The following BCL2 variants were observed in gnomAD, a reference collection of about 807,000 sequenced individuals.
The protein encoded by BCL2 is BCL2 apoptosis regulator.
BCL2 carries 1 observed loss-of-function variant against 14.2 expected under a neutral mutation model. The observed-to-expected ratio is 0.07, with a 90% confidence interval of 0.02 to 0.33. The LOEUF is 0.33. Among genes scored for constraint, BCL2 ranks in the 10% least tolerant of loss-of-function variants. The pLI, the probability that BCL2 is intolerant of heterozygous loss-of-function variation, is 0.99. For missense variants in BCL2, 247 were observed against 305.9 expected (o/e 0.81, Z 1.44); for synonymous variants, 151 against 137.2 (o/e 1.10, Z -0.70).
intron 2 of BCL2, among the ~76,000 whole-genome samples, chr18:63,205,022 T>G (rs1293877253): frequency 6.6e-6 from 1 of 152,082 alleles, no homozygotes. Flanking sequence ...GGGACGGAGG[T>G]GCTAGCGAGA....
rs1913571094 is a variant in BCL2 at position 63,318,397 on chromosome 18, T to C, written c.270A>G (p.Pro90=). 2 of 1,575,112 alleles carry C rather than the reference T, an allele frequency of 1.3e-6. No homozygotes were observed. The highest frequency in any genetic ancestry group is 1.7e-6 in the Non-Finnish European group (2 of 1,161,708). Residue 90 remains proline (P), a synonymous_variant, in exon 2 of 3, where the codon CCA becomes CCG. Transcript: ENST00000333681. This position sits in a 1 kb window ranked among gnomAD's most constrained non-coding sequence, Gnocchi z 7.4. The stretch of plus-strand genomic sequence containing the variant: ...GGCGGAGGGTCAGGTGGACCACAGG[T>C]GGCACCGGGCTGAGCGCAGGCCCCG... The part of the protein sequence containing the change: ...AAAGPALSPV[P]PVVHLTLRQA...
intron 2 of BCL2, among the ~76,000 whole-genome samples, chr18:63,251,103 T>C (rs907711990): frequency 3.4e-5 from 5 of 145,688 alleles, no homozygotes; most frequent in Non-Finnish European, 7.4e-5. Flanking sequence ...CCACAAAATA[T>C]GAGACTTGAA....
intron 2 of BCL2, among the ~76,000 whole-genome samples, chr18:63,308,838 C>A (rs1402850284): frequency 7.2e-5 from 11 of 151,976 alleles, no homozygotes; most frequent in Non-Finnish European, 4.4e-5. Context: ...GCTCAGAATG[C>A]CCTAACATAA....
chr18:63,190,471 G>A (rs1007659253), intron 2 of BCL2, among the ~76,000 whole-genome samples: 1 of 152,240 alleles, frequency 6.6e-6, no homozygotes, highest in Non-Finnish European at 1.5e-5. Flanking sequence ...AATGTCCCAT[G>A]AAGTATCAGA....
chr18:63,212,349 C>CA (rs1012805394), intron 2 of BCL2, among the ~76,000 whole-genome samples: 17 of 149,520 alleles, frequency 1.1e-4, no homozygotes, highest in South Asian at 2.1e-4. Context: ...CAAACAACAA[C>CA]AACAAAAAAA....
rs1275869818 is a variant in BCL2 at position 63,124,352 on chromosome 18, T to C, written c.*4273A>G. 3 of 230,802 alleles carry C rather than the reference T, an allele frequency of 1.3e-5. No individual in the cohort carries two copies. Among genetic ancestry groups the C allele is most frequent in the Non-Finnish European group, 2.6e-5 (3 of 116,550 alleles). The allele number at this position is 230,802 out of a possible 1,614,324, so 14.3% of individuals were successfully genotyped here. A position where few individuals can be genotyped will look rare whatever the true frequency, so the allele number is the denominator to read the frequency against. On this transcript the variant is annotated 3_prime_UTR_variant, in exon 3 of 3. Transcript: ENST00000333681. ...TTATTGTTTAAATACCCATTAGACA[T>C]ATCCAGCTTGAAATTTATACCATTG...
chr18:63,306,447 T>C (rs1913137935), intron 2 of BCL2, among the ~76,000 whole-genome samples: 1 of 152,182 alleles, frequency 6.6e-6, no homozygotes, highest in Non-Finnish European at 1.5e-5. Flanking sequence ...GTGGGCCACC[T>C]CTAGCATCAT....
Position 63,128,530 on chromosome 18 carries a change from G to T in BCL2, c.*95C>A, listed in dbSNP as rs1191698677. ...TGTGTTATTTTTTCTTAAACAGCCT[G>T]CAGCTTTGTTTCATGGTACATCACT... On this transcript the variant is annotated 3_prime_UTR_variant, in exon 3 of 3. Coordinates refer to ENST00000333681, the MANE Select transcript of BCL2 (RefSeq NM_000633.3). The T allele has an allele frequency of 1.4e-6, 1 of 703,142 alleles. No homozygotes were observed. Among genetic ancestry groups the T allele is most frequent in the African/African-American group, 1.8e-5 (1 of 57,016 alleles). 43.6% of individuals were successfully genotyped at this position (703,142 alleles called of 1,614,324 possible). A position where few individuals can be genotyped will look rare whatever the true frequency, so the allele number is the denominator to read the frequency against.
intron 2 of BCL2, among the ~76,000 whole-genome samples, chr18:63,161,580 TCA>T (rs1428789514): frequency 1.3e-5 from 2 of 152,226 alleles, no homozygotes; most frequent in Non-Finnish European, 2.9e-5. Context: ...GGCTTGGTGT[TCA>T]CCACTAGACT....
At chr18:63,298,234 C>T (rs150407014) in intron 2 of BCL2, among the ~76,000 whole-genome samples, 155 of 152,334 alleles carry the variant, frequency 1.0e-3, no homozygotes, top group Non-Finnish European at 2.0e-3. Context: ...TTATTTTACA[C>T]GACTCTGACC....
At chr18:63,211,820 C>A (rs372046954) in intron 2 of BCL2, among the ~76,000 whole-genome samples, 3 of 152,184 alleles carry the variant, frequency 2.0e-5, no homozygotes, top group Non-Finnish European at 2.9e-5. Flanking sequence ...AGGTCCCCTG[C>A]GGCAGCACCA....
chr18:63,179,560 T>C (rs1037064999), intron 2 of BCL2, among the ~76,000 whole-genome samples: 3 of 152,210 alleles, frequency 2.0e-5, no homozygotes, highest in Admixed American at 6.5e-5. Flanking sequence ...TCTAATCCTA[T>C]GGGCTTGGTT....
At chr18:63,289,818 TGGGAGGC>T (rs1228792457) in intron 2 of BCL2, among the ~76,000 whole-genome samples, 1 of 152,096 alleles carries the variant, frequency 6.6e-6, no homozygotes, top group African/African-American at 2.4e-5. Flanking sequence ...CACTTGAGCC[TGGGAGGC>T]GGAGGTTGCA....
intron 2 of BCL2, chr18:63,316,552 C>T (rs548989088): frequency 1.4e-4 from 22 of 152,032 alleles, no homozygotes; most frequent in Non-Finnish European, 2.9e-4. Flanking sequence ...GAGATCTCAA[C>T]AAACAAACAA....
intron 2 of BCL2, among the ~76,000 whole-genome samples, chr18:63,293,286 T>C (rs1912706530): frequency 6.6e-6 from 1 of 152,220 alleles, no homozygotes; most frequent in South Asian, 2.1e-4. Flanking sequence ...AACCAAAACA[T>C]ATTCAAACCC....
intron 2 of BCL2, among the ~76,000 whole-genome samples, chr18:63,274,344 G>T (rs190149571): frequency 3.8e-4 from 52 of 137,012 alleles, no homozygotes; most frequent in Admixed American, 2.9e-3. Flanking sequence ...ATGTAGTGGT[G>T]CAATCTTGGC....
intron 2 of BCL2, among the ~76,000 whole-genome samples, chr18:63,301,785 G>C (rs879614724): frequency 2.0e-5 from 3 of 152,126 alleles, no homozygotes; most frequent in Non-Finnish European, 2.9e-5. Context: ...AAACCAGTGC[G>C]CCTGTCCACG....
Position 63,277,384 on chromosome 18 carries a change from A to G in BCL2, c.585+40698T>C, listed in dbSNP as rs560387702. On this transcript the variant is annotated intron_variant, in intron 2 of 2. Coordinates refer to ENST00000333681, the MANE Select transcript of BCL2 (RefSeq NM_000633.3). ...GTGGCGGCTCATGTCTGTAATCCCA[A>G]TGCTTTGGGAGACCAAGGAAGGAAA... is the stretch of plus-strand genomic sequence containing the variant. Among the ~76,000 whole-genome samples the G allele has an allele frequency of 2.6e-5, 4 of 152,018 alleles. No homozygotes were observed. In the South Asian group the frequency reaches 8.3e-4, roughly 32 times the overall value.
intron 2 of BCL2, among the ~76,000 whole-genome samples, chr18:63,140,944 C>T (rs747285422): frequency 2.2e-4 from 33 of 152,050 alleles, no homozygotes; most frequent in African/African-American, 2.4e-4. Context: ...AGGAATGAGA[C>T]GCTGCTGGTT....
Sources: allele counts gnomAD v4.1 joint callset (sites outside exome capture counted in the v4.1 genomes callset), GRCh38; gene constraint gnomAD v4.1.1; non-coding constraint Gnocchi (gnomAD v3.1); transcripts MANE v1.5; gene names NCBI Gene and HGNC (gene_info 2026-07-23, HGNC 2026-07-21).